The following COX14 variants were observed in gnomAD, a reference collection of about 807,000 sequenced individuals.
The protein encoded by COX14 is cytochrome c oxidase assembly protein COX14.
In COX14, 3 loss-of-function variants were observed where a neutral mutation model predicts 5.8. The ratio of observed to expected loss-of-function variants is 0.51; its 90% CI spans 0.23 to 1.33. The LOEUF (loss-of-function observed/expected upper bound fraction) is 1.33. COX14 is among the 40% of genes most tolerant of loss of function. The probability of loss-of-function intolerance (pLI) is 0.18; values close to 1 mark genes in which losing one functional copy is unlikely to be tolerated. For synonymous variants in COX14, 25 were observed against 26.1 expected (o/e 0.96, Z 0.13); for missense variants, 72 against 72.1 (o/e 1.00, Z 0.01).
At position 50,114,311 on chromosome 12, in the gene COX14, G is replaced by A. The variant is rs866474500; in HGVS notation, c.-9+2010G>A. On this transcript the variant is annotated intron_variant, in intron 1 of 1. Transcript: ENST00000550487. Reference sequence around the variant, plus strand: ...GTTGCCCAGGCTGGAGTGCAGTGGCGCGATCTCAGCTCACCACAACCTCCG... The same window carrying A: ...GTTGCCCAGGCTGGAGTGCAGTGGCACGATCTCAGCTCACCACAACCTCCG... Among the ~76,000 whole-genome samples the A allele has an allele frequency of 6.0e-5, 9 of 148,984 alleles. No individual in the cohort carries two copies. The Middle Eastern group carries it at 0.017, about 289-fold the overall frequency.
At chr12:50,112,613 A>G (rs949738688) in intron 1 of COX14, 2 of 342,156 alleles carry the variant, frequency 5.8e-6, no homozygotes, top group Admixed American at 6.5e-5. Flanking sequence ...CTGCGTCCTG[A>G]TAAGTGGCTC....
intron 1 of COX14, among the ~76,000 whole-genome samples, chr12:50,115,084 T>TTA (rs1298107003): frequency 1.4e-5 from 2 of 145,556 alleles, no homozygotes; most frequent in African/African-American, 5.1e-5. Context: ...TTTTTTTTTT[T>TTA]AAATAGAGAT....
rs574272906 is a variant in COX14 at position 50,115,370 on chromosome 12, A to G, written c.-9+3069A>G. On this transcript the variant is annotated intron_variant, in intron 1 of 1. Coordinates refer to ENST00000550487, the MANE Select transcript of COX14 (RefSeq NM_032901.4). ...GCTGGGACTACAGGCACCCGCCACC[A>G]TGCCCGGCTAATTTTTTTGTATTTT... 1.2e-3 allele frequency among the ~76,000 whole-genome samples: 180 copies of G among 150,840 alleles called. 1 individual carries two copies. Among genetic ancestry groups the G allele is most frequent in the African/African-American group, 4.3e-3 (176 of 41,030 alleles).
chr12:50,112,570 T>C, intron 1 of COX14: 1 of 704,858 alleles, frequency 1.4e-6, no homozygotes, highest in Non-Finnish European at 1.7e-6. Flanking sequence ...CCCTCCACGC[T>C]CCAACTCTGC....
chr12:50,112,321 C>G lies in COX14; in HGVS notation c.-9+20C>G. On this transcript the variant is annotated intron_variant, in intron 1 of 1. Transcript: ENST00000550487. ...ATCCAGGTACGCTGCCGGCTAGGGC[C>G]GAGCAGGGGCTGCCAGTCCCACTGC... 1 of 985,508 alleles carries G rather than the reference C, an allele frequency of 1.0e-6. No homozygotes were observed. The highest frequency in any genetic ancestry group is 1.2e-6 in the Non-Finnish European group (1 of 829,978). 61.0% of individuals were successfully genotyped at this position (985,508 alleles called of 1,614,324 possible).
chr12:50,119,736 G>T lies in COX14; in HGVS notation c.-8-300G>T, dbSNP rs7961112. ...CAGCAGTCCAGGCTGGTCCATGCCA[G>T]TCACTTCTGTCCACAGGCATGGAAG... On this transcript the variant is annotated intron_variant, in intron 1 of 1. Coordinates refer to ENST00000550487, the MANE Select transcript of COX14 (RefSeq NM_032901.4). 0.33 allele frequency among the ~76,000 whole-genome samples: 49,698 copies of T among 152,044 alleles called. 8,362 individuals carry two copies. Among genetic ancestry groups the T allele is most frequent in the South Asian group, 0.39 (1,883 of 4,824 alleles).
At chr12:50,113,875 A>T (rs112362681) in intron 1 of COX14, among the ~76,000 whole-genome samples, 12 of 151,804 alleles carry the variant, frequency 7.9e-5, no homozygotes, top group African/African-American at 2.7e-4. Flanking sequence ...TCAGGTTATC[A>T]GCCCACTTCT....
chr12:50,114,863 G>A (rs1164183882), intron 1 of COX14, among the ~76,000 whole-genome samples: 1 of 132,294 alleles, frequency 7.6e-6, no homozygotes, highest in East Asian at 2.7e-4. Flanking sequence ...CGCCTCCTGG[G>A]TTCAAGCAAT....
chr12:50,119,871 A>G (rs114707146), intron 1 of COX14, among the ~76,000 whole-genome samples, 165 bp from the exon 2 acceptor site: 84 of 152,304 alleles, frequency 5.5e-4, no homozygotes, highest in African/African-American at 2.0e-3. Flanking sequence ...CCTAAATGAT[A>G]TCTTCCAGTA....
At chr12:50,112,354 C>G in intron 1 of COX14, 53 bp downstream of exon 1, 1 of 985,530 alleles carries the variant, frequency 1.0e-6, no homozygotes. Flanking sequence ...TGCCTGCGCG[C>G]CCACCTGGGC....
intron 1 of COX14, among the ~76,000 whole-genome samples, chr12:50,118,265 T>C (rs1951100546): frequency 7.6e-6 from 1 of 131,924 alleles, no homozygotes; most frequent in Admixed American, 8.0e-5. Flanking sequence ...CAGGCTGGTC[T>C]CGAACTCCTG....
chr12:50,118,761 C>T (rs531806804), intron 1 of COX14, among the ~76,000 whole-genome samples: 6 of 152,126 alleles, frequency 3.9e-5, no homozygotes, highest in African/African-American at 9.6e-5. Flanking sequence ...AGTGAGACTC[C>T]GTCTCAAAAA....
intron 1 of COX14, among the ~76,000 whole-genome samples, chr12:50,115,800 C>A (rs7308474): frequency 0.37 from 56,202 of 151,666 alleles, 10,889 homozygotes; most frequent in African/African-American, 0.47. Flanking sequence ...ATCCGTCTGT[C>A]TTTGCCTCCC....
intron 1 of COX14, 131 bp from the exon 2 acceptor site, chr12:50,119,905 A>C (rs1269752870): frequency 4.3e-6 from 3 of 702,688 alleles, no homozygotes; most frequent in Non-Finnish European, 2.5e-6. Flanking sequence ...TTACCTAGAC[A>C]TAGGGGCCAT....
chr12:50,114,219 G>GAA (rs36117795), intron 1 of COX14, among the ~76,000 whole-genome samples: 4,118 of 82,800 alleles, frequency 0.05, 289 homozygotes, highest in African/African-American at 0.15. Flanking sequence ...GTAGTTAAAT[G>GAA]AAAAAAAAAA....
intron 1 of COX14, among the ~76,000 whole-genome samples, chr12:50,113,858 C>A (rs753298480): frequency 1.3e-5 from 2 of 152,034 alleles, no homozygotes; most frequent in Non-Finnish European, 2.9e-5. Context: ...GTCTCGAACT[C>A]CTGACCTCAG....
At chr12:50,115,344 A>G (rs1241374017) in intron 1 of COX14, among the ~76,000 whole-genome samples, 4 of 147,418 alleles carry the variant, frequency 2.7e-5, no homozygotes, top group Admixed American at 1.4e-4. Flanking sequence ...CCTCCTGAGT[A>G]GCTGGGACTA....
intron 1 of COX14, chr12:50,118,498 G>GCC: frequency 1.1e-6 from 1 of 905,090 alleles, no homozygotes; most frequent in Non-Finnish European, 1.3e-6. Flanking sequence ...GCCAGGCGCG[G>GCC]TGGCTCACGC....
chr12:50,113,998 C>T (rs900950427), intron 1 of COX14, among the ~76,000 whole-genome samples: 4 of 151,314 alleles, frequency 2.6e-5, no homozygotes, highest in African/African-American at 4.9e-5. Context: ...AGTGCAGGGC[C>T]GTGATCACAG....
Sources: allele counts gnomAD v4.1 joint callset (sites outside exome capture counted in the v4.1 genomes callset), GRCh38; gene constraint gnomAD v4.1.1; transcripts MANE v1.5; gene names NCBI Gene and HGNC (gene_info 2026-07-23, HGNC 2026-07-21).